Variants in SGCZ observed in about 807,000 individuals in gnomAD.
SGCZ encodes sarcoglycan zeta.
In SGCZ, 40 loss-of-function variants were observed where a neutral mutation model predicts 41.3. The ratio of observed to expected loss-of-function variants is 0.97; its 90% CI spans 0.75 to 1.26. The LOEUF is 1.26. Ranked by LOEUF, SGCZ falls within the 50% of genes most tolerant of loss-of-function variation. The probability of loss-of-function intolerance (pLI) is 0.00; values close to 1 mark genes in which losing one functional copy is unlikely to be tolerated. For missense variants in SGCZ, 552 were observed against 369.8 expected (o/e 1.49, Z -4.04); for synonymous variants, 206 against 137.5 (o/e 1.50, Z -3.49).
At chr8:14,674,262 A>T (rs540918630) in intron 1 of SGCZ, among the ~76,000 whole-genome samples, 1 of 152,190 alleles carries the variant, frequency 6.6e-6, no homozygotes, top group South Asian at 2.1e-4. Flanking sequence ...CACCAAAAAC[A>T]CCAACGTAAA....
rs565922990 is a variant in SGCZ, at chr8:14,221,837, C to T, written c.424+15755G>A. On this transcript the variant is annotated intron_variant, in intron 4 of 7. Transcript: ENST00000382080. ...CTGTAATCTCAGCTGGGTGTAATGG[C>T]GTGTGCCTGTAATCTCGGGAGACTG... Among the ~76,000 whole-genome samples, 4 of 151,958 alleles carry T rather than the reference C, an allele frequency of 2.6e-5. No homozygotes were observed. The South Asian group carries it at 6.2e-4, about 24-fold the overall frequency.
chr8:14,631,375 G>A (rs1342676133), intron 1 of SGCZ, among the ~76,000 whole-genome samples: 1 of 151,948 alleles, frequency 6.6e-6, no homozygotes, highest in Non-Finnish European at 1.5e-5. Flanking sequence ...ACTTACTCAC[G>A]AGAGCCTATT....
intron 1 of SGCZ, among the ~76,000 whole-genome samples, chr8:14,643,978 T>C (rs1010491134): frequency 2.0e-5 from 2 of 99,950 alleles, no homozygotes; most frequent in African/African-American, 8.1e-5. Context: ...TGTACAATTC[T>C]GTACAATTCT....
chr8:15,215,996 G>A (rs958599368), intron 1 of SGCZ, among the ~76,000 whole-genome samples: 1 of 152,056 alleles, frequency 6.6e-6, no homozygotes, highest in African/African-American at 2.4e-5. Context: ...CTCATCAACA[G>A]TGTATCTTTA....
intron 2 of SGCZ, among the ~76,000 whole-genome samples, chr8:14,406,190 TC>T (rs983920546): frequency 2.6e-5 from 4 of 152,218 alleles, no homozygotes; most frequent in East Asian, 1.9e-4. Flanking sequence ...TTTCTGCACT[TC>T]CCTCCACCTG....
chr8:15,211,533 G>A (rs903011726), intron 1 of SGCZ, among the ~76,000 whole-genome samples: 4 of 152,040 alleles, frequency 2.6e-5, no homozygotes, highest in African/African-American at 9.7e-5. Context: ...CAAAAGAGAA[G>A]GTCTCAGATA....
chr8:15,097,835 CGTGTGTGTATATATATATATACGTGT>C (rs1806419079), intron 1 of SGCZ, among the ~76,000 whole-genome samples: 5 of 102,694 alleles, frequency 4.9e-5, no homozygotes, highest in African/African-American at 1.8e-4. Flanking sequence ...TATATATATA[CGTGTGTGTATATATATATATACGTGT>C]GTGTGTATAT....
chr8:15,010,669 G>A (rs1282776959), intron 1 of SGCZ, among the ~76,000 whole-genome samples: 1 of 152,158 alleles, frequency 6.6e-6, no homozygotes, highest in African/African-American at 2.4e-5. Context: ...TGTCAGTACA[G>A]GAAGCCAGAT....
intron 2 of SGCZ, among the ~76,000 whole-genome samples, chr8:14,361,613 A>G (rs765299461): frequency 1.1e-4 from 17 of 152,216 alleles, no homozygotes; most frequent in East Asian, 5.8e-4. Context: ...CTTCCTTGCG[A>G]TGGGTTAGAA....
intron 1 of SGCZ, among the ~76,000 whole-genome samples, chr8:14,855,619 TA>T (rs1803521206): frequency 6.6e-6 from 1 of 152,156 alleles, no homozygotes; most frequent in South Asian, 2.1e-4. Flanking sequence ...AGGCCAACTC[TA>T]AAAAGTTATC....
Position 14,445,682 on chromosome 8 carries a change from G to T in SGCZ, c.234+109050C>A, listed in dbSNP as rs376430765. Among the ~76,000 whole-genome samples, 17 of 152,220 alleles carry T rather than the reference G, an allele frequency of 1.1e-4. No individual in the cohort carries two copies. In the East Asian group the frequency reaches 2.1e-3, roughly 19 times the overall value. On this transcript the variant is annotated intron_variant, in intron 2 of 7. Coordinates refer to ENST00000382080, the MANE Select transcript of SGCZ (RefSeq NM_139167.4). ...AGAGCTCAGGACACATTGACTGTGG[G>T]TACCCAAAAATGCTATCACACCAAC...
chr8:14,234,444 A>G (rs1418453791), intron 4 of SGCZ, among the ~76,000 whole-genome samples: 1 of 152,104 alleles, frequency 6.6e-6, no homozygotes, highest in African/African-American at 2.4e-5. Flanking sequence ...TACAATGAGA[A>G]TAAAATATGG....
At chr8:14,413,433 G>A (rs1799414205) in intron 2 of SGCZ, among the ~76,000 whole-genome samples, 1 of 151,852 alleles carries the variant, frequency 6.6e-6, no homozygotes. Flanking sequence ...TCTTTGCAAG[G>A]AAAGAGTTCT....
chr8:14,834,242 G>A lies in SGCZ; in HGVS notation c.40-279316C>T, dbSNP rs1434681286. Among the ~76,000 whole-genome samples, 3 of 152,070 alleles carry A rather than the reference G, an allele frequency of 2.0e-5. No homozygotes were observed. The East Asian group carries it at 5.8e-4, about 29-fold the overall frequency. ...TGATAAATTAATCATTACCTGAATA[G>A]ATTCTATGGATTTATATTTTACAAA... On this transcript the variant is annotated intron_variant, in intron 1 of 7. Transcript: ENST00000382080.
chr8:15,215,446 G>A (rs1051056368), intron 1 of SGCZ, among the ~76,000 whole-genome samples: 1 of 152,104 alleles, frequency 6.6e-6, no homozygotes, highest in Non-Finnish European at 1.5e-5. Context: ...TTCCTTCGGG[G>A]AAGTCTCAAT....
At chr8:15,060,825 C>T (rs1180499244) in intron 1 of SGCZ, among the ~76,000 whole-genome samples, 2 of 151,970 alleles carry the variant, frequency 1.3e-5, no homozygotes, top group African/African-American at 4.8e-5. Context: ...TAATAATGTA[C>T]CTAATTTCAA....
chr8:15,152,463 G>A (rs747566397), intron 1 of SGCZ, among the ~76,000 whole-genome samples: 1 of 152,110 alleles, frequency 6.6e-6, no homozygotes, highest in Non-Finnish European at 1.5e-5. Flanking sequence ...ATGCTTACTG[G>A]TAAAATATCC....
chr8:14,548,725 G>T (rs1392484583), intron 2 of SGCZ, among the ~76,000 whole-genome samples: 1 of 152,034 alleles, frequency 6.6e-6, no homozygotes, highest in Non-Finnish European at 1.5e-5. Context: ...ATTTTGTTTG[G>T]TGTATGTGCC....
Position 14,977,654 on chromosome 8 carries a change from C to G in SGCZ, c.39+259931G>C, listed in dbSNP as rs115036649. 9.2e-3 allele frequency among the ~76,000 whole-genome samples: 1,397 copies of G among 152,016 alleles called. 23 individuals carry two copies. The highest frequency in any genetic ancestry group is 0.033 in the African/African-American group (1,354 of 41,442). On this transcript the variant is annotated intron_variant, in intron 1 of 7. Transcript: ENST00000382080. The stretch of plus-strand genomic sequence containing the variant: ...AAAATATGCAAAATCTTGCCTGAGA[C>G]TACACCACAAGAACACCAAAGAAAA...
Sources: allele counts gnomAD v4.1 joint callset (sites outside exome capture counted in the v4.1 genomes callset), GRCh38; gene constraint gnomAD v4.1.1; transcripts MANE v1.5; gene names NCBI Gene and HGNC (gene_info 2026-07-23, HGNC 2026-07-21).